Variants in RBFOX3 observed in about 807,000 individuals in gnomAD.
RBFOX3 encodes the protein RNA binding fox-1 homolog 3, also known as RNA binding protein fox-1 homolog 3.
In RBFOX3, 17 loss-of-function variants were observed where a neutral mutation model predicts 48.7. That is an observed-to-expected ratio of 0.35 (90% CI 0.24 to 0.52). The LOEUF is 0.52. RBFOX3 is among the 20% of genes least tolerant of loss of function. The pLI, the probability that RBFOX3 is intolerant of heterozygous loss-of-function variation, is 0.94. For missense variants in RBFOX3, 382 were observed against 497.5 expected, an observed-to-expected ratio of 0.77 and a Z score of 2.21; for synonymous variants, 212 against 209.5, an observed-to-expected ratio of 1.01 and a Z score of -0.10.
chr17:79,320,723 C>T lies in RBFOX3; in HGVS notation c.-174-12899G>A, dbSNP rs8073380. On this transcript the variant is annotated intron_variant, in intron 2 of 14. Coordinates refer to ENST00000693108, the MANE Select transcript of RBFOX3 (RefSeq NM_001350451.2). ...AGCCCTCAACTAAAACCAGGCACCT[C>T]AACGCAGGAGCCCTGCCCGCCTGCT... Among the ~76,000 whole-genome samples the T allele has an allele frequency of 7.5e-3, 1,134 of 152,078 alleles. 11 individuals are homozygous for T. The highest frequency in any genetic ancestry group is 0.026 in the African/African-American group (1,067 of 41,466).
chr17:79,154,139 G>A (rs149100361), intron 4 of RBFOX3, among the ~76,000 whole-genome samples: 1,170 of 45,558 alleles, frequency 0.026, 10 homozygotes, highest in South Asian at 0.075. Context: ...GTCCAGTCCC[G>A]CCCCACCTGG....
intron 1 of RBFOX3, among the ~76,000 whole-genome samples, chr17:79,505,757 C>T (rs1218645086): frequency 6.6e-6 from 1 of 152,238 alleles, no homozygotes; most frequent in African/African-American, 2.4e-5. Flanking sequence ...CCCCACACCG[C>T]ACGCCTCTAA....
intron 1 of RBFOX3, among the ~76,000 whole-genome samples, chr17:79,539,640 C>G (rs374373091): frequency 6.6e-6 from 1 of 152,258 alleles, no homozygotes; most frequent in African/African-American, 2.4e-5. Flanking sequence ...GGTCAGAGGT[C>G]GCCCCAGGAG....
chr17:79,512,342 A>G (rs1370458344), intron 1 of RBFOX3, among the ~76,000 whole-genome samples: 2,539 of 45,818 alleles, frequency 0.055, 3 homozygotes, highest in Middle Eastern at 0.1. Flanking sequence ...TTACCATCGG[A>G]TACAGCCCCA....
chr17:79,144,412 A>G (rs2042593513), intron 4 of RBFOX3, among the ~76,000 whole-genome samples: 1 of 152,172 alleles, frequency 6.6e-6, no homozygotes, highest in South Asian at 2.1e-4. Flanking sequence ...CAGCTTCCCA[A>G]GGTCCCTCCC....
At chr17:79,370,658 T>G (rs1442679220) in intron 2 of RBFOX3, among the ~76,000 whole-genome samples, 1 of 150,660 alleles carries the variant, frequency 6.6e-6, no homozygotes, top group East Asian at 2.0e-4. Context: ...GTGTGCTCAC[T>G]CACACAGGCA....
At chr17:79,091,916 G>A (rs959612050) in intron 14 of RBFOX3, 20 of 970,882 alleles carry the variant, frequency 2.1e-5, no homozygotes, top group African/African-American at 7.0e-5. Context: ...TGCACACCAC[G>A]CGACACGCTT....
chr17:79,369,521 TC>T (rs1448317372), intron 2 of RBFOX3, among the ~76,000 whole-genome samples: 1 of 152,078 alleles, frequency 6.6e-6, no homozygotes, highest in Admixed American at 6.5e-5. Flanking sequence ...ACAAGGCGCC[TC>T]CTCCCAGGCC....
intron 2 of RBFOX3, among the ~76,000 whole-genome samples, chr17:79,365,038 T>C (rs962056874): frequency 6.6e-5 from 10 of 151,888 alleles, no homozygotes; most frequent in Admixed American, 2.0e-4. Context: ...TTAACTAGAG[T>C]TGGTGGGGGA....
At chr17:79,472,151 C>G (rs2149384820) in intron 2 of RBFOX3, among the ~76,000 whole-genome samples, 1 of 152,246 alleles carries the variant, frequency 6.6e-6, no homozygotes, top group Admixed American at 6.5e-5. Context: ...CACTTGGCCT[C>G]CATCCCAGAG....
intron 1 of RBFOX3, among the ~76,000 whole-genome samples, chr17:79,527,532 G>A (rs1248069739): frequency 2.0e-5 from 3 of 152,216 alleles, no homozygotes; most frequent in African/African-American, 4.8e-5. Context: ...TCTCTCTCGT[G>A]TCTATTTTAG....
At position 79,367,812 on chromosome 17, in the gene RBFOX3, C is replaced by T. The variant is rs531049359; in HGVS notation, c.-174-59988G>A. Among the ~76,000 whole-genome samples the T allele has an allele frequency of 1.2e-4, 19 of 152,212 alleles. No individual in the cohort carries two copies. The South Asian group carries it at 2.5e-3, about 20-fold the overall frequency. On this transcript the variant is annotated intron_variant, in intron 2 of 14. Coordinates refer to ENST00000693108, the MANE Select transcript of RBFOX3 (RefSeq NM_001350451.2). Reference sequence around the variant, plus strand: ...ATGTGACAGAGGAGGAATCAGAGCCCGCCTGGCCCCCCAGGAAGGCTGCTC... The same window carrying T: ...ATGTGACAGAGGAGGAATCAGAGCCTGCCTGGCCCCCCAGGAAGGCTGCTC...
chr17:79,465,470 G>A (rs181093993), intron 2 of RBFOX3, among the ~76,000 whole-genome samples: 3 of 152,148 alleles, frequency 2.0e-5, no homozygotes, highest in Non-Finnish European at 2.9e-5. Context: ...CAGCGTGGGC[G>A]TTAGGTACCA....
chr17:79,304,808 G>C (rs1025694554), intron 3 of RBFOX3, among the ~76,000 whole-genome samples: 1 of 152,212 alleles, frequency 6.6e-6, no homozygotes, highest in Admixed American at 6.5e-5. Flanking sequence ...TAAGATTCTC[G>C]GAAGGTGCTG....
chr17:79,373,499 G>C (rs937435514), intron 2 of RBFOX3, among the ~76,000 whole-genome samples: 1 of 152,112 alleles, frequency 6.6e-6, no homozygotes, highest in Admixed American at 6.5e-5. Flanking sequence ...TCTCCAAAGT[G>C]CTCTGTGAAA....
chr17:79,307,114 G>T (rs1267712624), intron 3 of RBFOX3, among the ~76,000 whole-genome samples: 2 of 152,372 alleles, frequency 1.3e-5, no homozygotes, highest in East Asian at 1.9e-4. Context: ...TATAATAAAG[G>T]TTTCCGACTC....
chr17:79,613,896 T>C (rs2093984078), upstream of RBFOX3, among the ~76,000 whole-genome samples: 2 of 152,142 alleles, frequency 1.3e-5, no homozygotes, highest in Non-Finnish European at 2.9e-5. Context: ...ATCACTTGAA[T>C]CCGGGAGGTG....
chr17:79,523,465 C>A (rs2086389337), intron 1 of RBFOX3, among the ~76,000 whole-genome samples: 1 of 152,170 alleles, frequency 6.6e-6, no homozygotes, highest in African/African-American at 2.4e-5. Flanking sequence ...TGCTCTTAGA[C>A]ACATCCCTGA....
intron 1 of RBFOX3, among the ~76,000 whole-genome samples, chr17:79,498,235 T>C (rs935639210): frequency 3.3e-5 from 5 of 152,204 alleles, no homozygotes; most frequent in African/African-American, 9.7e-5. Context: ...TCTGCCTTCA[T>C]AGGAACTCGT....
Sources: gnomAD v4.1 joint callset for allele counts (sites outside exome capture counted in the v4.1 genomes callset) on GRCh38, gnomAD v4.1.1 for gene constraint, MANE v1.5 for transcripts, NCBI Gene and HGNC (gene_info 2026-07-23, HGNC 2026-07-21) for gene names.